Variants in PALD1 observed in about 807,000 individuals in gnomAD.
PALD1 encodes phosphatase domain containing paladin 1.
In PALD1, 57 loss-of-function variants were observed where a neutral mutation model predicts 96.0. The ratio of observed to expected loss-of-function variants is 0.59; its 90% CI spans 0.48 to 0.74. The LOEUF is 0.74. Ranked by LOEUF, PALD1 falls within the 30% of genes least tolerant of loss-of-function variation. The pLI is 0.00. For missense variants in PALD1, 1,063 were observed against 1,143.7 expected, an observed-to-expected ratio of 0.93 and a Z score of 1.02; for synonymous variants, 464 against 473.6, an observed-to-expected ratio of 0.98 and a Z score of 0.26.
chr10:70,539,567 T>C lies in PALD1; in HGVS notation c.1726-13T>C. ...CCCCAGTGGCCTGTGTCCTCCCTCC[T>C]GCCCTTGCCCAGACCCTGGAGGCCC... On this transcript the variant is annotated splice_polypyrimidine_tract_variant and intron_variant, in intron 14 of 19. Transcript: ENST00000263563. This position sits in a 1 kb window ranked among gnomAD's most constrained non-coding sequence, Gnocchi z 4.5. 1 of 1,597,364 alleles carries C rather than the reference T, an allele frequency of 6.3e-7. No homozygotes were observed. Among genetic ancestry groups the C allele is most frequent in the Non-Finnish European group, 8.5e-7 (1 of 1,170,400 alleles).
At chr10:70,463,335 G>A in the PALD1 span, among the ~76,000 whole-genome samples, 4 of 152,062 alleles carry the variant, frequency 2.6e-5, no homozygotes, top group Admixed American at 2.6e-4. Flanking sequence ...GCGTGAACCC[G>A]GCAGGCGGGA....
chr10:70,529,045 C>T (rs928576080), intron 2 of PALD1, among the ~76,000 whole-genome samples, 184 bp from the exon 3 acceptor site: 1 of 152,118 alleles, frequency 6.6e-6, no homozygotes, highest in Non-Finnish European at 1.5e-5. Context: ...TCCTCAGTCA[C>T]AGCCCTGGGG....
chr10:70,556,377 G>T (rs1056193189), intron 18 of PALD1, among the ~76,000 whole-genome samples: 1 of 151,884 alleles, frequency 6.6e-6, no homozygotes, highest in Admixed American at 6.6e-5. Flanking sequence ...GTGCAGTGGT[G>T]CAATCATACC....
chr10:70,479,687 G>C (rs998455460), intron 1 of PALD1, among the ~76,000 whole-genome samples: 2 of 152,218 alleles, frequency 1.3e-5, no homozygotes, highest in African/African-American at 4.8e-5. Flanking sequence ...TTTCTCTTGG[G>C]TTGTCAGAGA....
the PALD1 span, among the ~76,000 whole-genome samples, chr10:70,467,488 A>G: frequency 6.6e-6 from 1 of 152,132 alleles, no homozygotes; most frequent in African/African-American, 2.4e-5. Context: ...TGTCGGGTTC[A>G]TGTGTGGAGA....
chr10:70,520,681 CTTTCTTTT>C (rs1846713151), intron 1 of PALD1, among the ~76,000 whole-genome samples: 1 of 101,360 alleles, frequency 9.9e-6, no homozygotes, highest in African/African-American at 3.6e-5. Context: ...TCTTTTCTTT[CTTTCTTTT>C]TTTTTTTTTT....
the PALD1 span, among the ~76,000 whole-genome samples, chr10:70,465,683 C>T: frequency 6.6e-6 from 1 of 152,156 alleles, no homozygotes; most frequent in Non-Finnish European, 1.5e-5. Flanking sequence ...AGACATCACG[C>T]TGCCACTCAG....
chr10:70,466,954 T>C, the PALD1 span, among the ~76,000 whole-genome samples: 2 of 152,100 alleles, frequency 1.3e-5, no homozygotes, highest in Non-Finnish European at 1.5e-5. Flanking sequence ...TGTAAGGAAA[T>C]GGTGGGCATT....
the PALD1 span, among the ~76,000 whole-genome samples, chr10:70,469,204 C>A: frequency 6.6e-6 from 1 of 152,180 alleles, no homozygotes; most frequent in Non-Finnish European, 1.5e-5. Context: ...CTCGGAGTCC[C>A]TTGGAACATG....
chr10:70,469,764 G>A, the PALD1 span, among the ~76,000 whole-genome samples: 1 of 152,042 alleles, frequency 6.6e-6, no homozygotes. Context: ...AGGTCTGGCA[G>A]GGTGCACTGA....
chr10:70,545,843 C>T (rs972794712), intron 17 of PALD1, among the ~76,000 whole-genome samples: 2 of 152,034 alleles, frequency 1.3e-5, no homozygotes, highest in South Asian at 2.1e-4. Flanking sequence ...TCTTACACCC[C>T]CTCCTCACCC....
chr10:70,527,406 T>A (rs530603369), intron 2 of PALD1, among the ~76,000 whole-genome samples: 27 of 152,298 alleles, frequency 1.8e-4, no homozygotes, highest in African/African-American at 6.5e-4. Context: ...GATCATCCAA[T>A]AGAGGGGTCA....
At chr10:70,478,466 G>A (rs1341142113), upstream of PALD1, among the ~76,000 whole-genome samples, 1 of 152,238 alleles carries the variant, frequency 6.6e-6, no homozygotes, top group East Asian at 1.9e-4. Context: ...CTCGCAGCCA[G>A]GAGGCTGGAT....
intron 10 of PALD1, 140 bp downstream of exon 10, chr10:70,534,983 G>A (rs1847079336): frequency 4.5e-6 from 3 of 660,526 alleles, no homozygotes; most frequent in Non-Finnish European, 8.2e-6. Context: ...GTTTTCAGAG[G>A]AAGGGGAGAT....
chr10:70,536,899 C>T (rs950852082), intron 10 of PALD1, among the ~76,000 whole-genome samples: 8 of 152,150 alleles, frequency 5.3e-5, no homozygotes, highest in East Asian at 1.9e-4. Flanking sequence ...GGGGTTCTCT[C>T]GGACAACCCC....
chr10:70,480,135 C>G (rs1845903850), intron 1 of PALD1, among the ~76,000 whole-genome samples: 1 of 152,204 alleles, frequency 6.6e-6, no homozygotes, highest in Non-Finnish European at 1.5e-5. Context: ...TACCTTGCTC[C>G]AAGGGCAGGG....
chr10:70,463,324 G>A, the PALD1 span, among the ~76,000 whole-genome samples: 1 of 152,076 alleles, frequency 6.6e-6, no homozygotes, highest in African/African-American at 2.4e-5. Context: ...GCAGGAGAAT[G>A]GCGTGAACCC....
chr10:70,495,328 A>C (rs1846174914), intron 1 of PALD1, among the ~76,000 whole-genome samples: 1 of 150,494 alleles, frequency 6.6e-6, no homozygotes, highest in Non-Finnish European at 1.5e-5. Flanking sequence ...TCCCTGGTGG[A>C]CTCCCTCCCT....
intron 1 of PALD1, among the ~76,000 whole-genome samples, chr10:70,524,963 G>C (rs1248035584): frequency 6.6e-6 from 1 of 152,124 alleles, no homozygotes; most frequent in Non-Finnish European, 1.5e-5. Context: ...AGTGGGGTGG[G>C]AGCTGTGCCT....
Sources: allele counts gnomAD v4.1 joint callset (sites outside exome capture counted in the v4.1 genomes callset), GRCh38; gene constraint gnomAD v4.1.1; non-coding constraint Gnocchi (gnomAD v3.1); transcripts MANE v1.5; gene names NCBI Gene and HGNC (gene_info 2026-07-23, HGNC 2026-07-21).